The following PCAT7 variants were observed in gnomAD, a reference collection of about 807,000 sequenced individuals.
PCAT7 encodes the protein prostate cancer associated transcript 7 (non-protein coding).
At chr9:94,571,663 A>G in intron 2 of PCAT7, 32 of 1,487,164 alleles carry the variant, frequency 2.2e-5, no homozygotes, top group Non-Finnish European at 2.8e-5. Context: ...ACACTTTGCC[A>G]GGGGCCTGGG....
chr9:94,570,372 C>G (rs1411645205), intron 2 of PCAT7: 1 of 152,180 alleles, frequency 6.6e-6, no homozygotes, highest in Non-Finnish European at 1.5e-5. Flanking sequence ...TGACCTTGCG[C>G]AAGTTACTCA....
exon 1 of PCAT7, chr9:94,555,080 C>T (rs1466154655): frequency 6.6e-6 from 1 of 152,262 alleles, no homozygotes; most frequent in Admixed American, 6.5e-5. Context: ...TGCGCATAAC[C>T]TCAGGATATA....
In PCAT7 at chr9:94,567,345, G is replaced by A. The variant is rs548635230; in HGVS notation, n.442-5634G>A. On this transcript the variant is annotated intron_variant and non_coding_transcript_variant, in intron 2 of 8. Transcript: ENST00000647389. Reference sequence around the variant, plus strand: ...ACTTGGCATAGCCCTCATTCAGGCTGTAAATCTTTCCTTTCTTCTTAATCT... The same window carrying A: ...ACTTGGCATAGCCCTCATTCAGGCTATAAATCTTTCCTTTCTTCTTAATCT... The A allele has an allele frequency of 4.3e-6, 7 of 1,614,158 alleles. No homozygotes were observed. In the African/African-American group the frequency reaches 6.7e-5, roughly 15 times the overall value.
intron 1 of PCAT7, among the ~76,000 whole-genome samples, chr9:94,557,754 C>T (rs1827031663): frequency 6.6e-6 from 1 of 152,180 alleles, no homozygotes; most frequent in Non-Finnish European, 1.5e-5. Flanking sequence ...TCCTGATGCA[C>T]CTTTGCTTTA....
chr9:94,559,994 G>A (rs887828777), intron 2 of PCAT7, among the ~76,000 whole-genome samples: 5 of 152,146 alleles, frequency 3.3e-5, no homozygotes, highest in African/African-American at 7.2e-5. Flanking sequence ...GTGTGGTAGC[G>A]CACACCTGTG....
chr9:94,560,708 GT>G (rs1035926956), intron 2 of PCAT7, among the ~76,000 whole-genome samples: 1 of 146,918 alleles, frequency 6.8e-6, no homozygotes, highest in African/African-American at 2.5e-5. Flanking sequence ...ATATTTATAT[GT>G]TATTATATAT....
At chr9:94,562,904 A>G (rs1000691407) in intron 2 of PCAT7, among the ~76,000 whole-genome samples, 2 of 152,234 alleles carry the variant, frequency 1.3e-5, no homozygotes, top group African/African-American at 4.8e-5. Context: ...TCAGGGCATC[A>G]GTGAACTCCC....
intron 1 of PCAT7, among the ~76,000 whole-genome samples, chr9:94,556,097 T>G (rs1453005786): frequency 1.4e-4 from 17 of 120,932 alleles, no homozygotes; most frequent in East Asian, 2.8e-4. Context: ...GGAAGGAGAG[T>G]GGCAAGGAGG....
upstream of PCAT7, among the ~76,000 whole-genome samples, chr9:94,554,781 C>T (rs889573309): frequency 6.6e-6 from 1 of 152,172 alleles, no homozygotes; most frequent in African/African-American, 2.4e-5. Flanking sequence ...GTGCCCCAGG[C>T]TCCAGGCTCC....
intron 2 of PCAT7, among the ~76,000 whole-genome samples, chr9:94,566,989 G>C (rs509022): frequency 0.48 from 73,568 of 151,972 alleles, 18,442 homozygotes; most frequent in East Asian, 0.61. Flanking sequence ...AGGATCTGGC[G>C]TGAGCTCTGA....
intron 2 of PCAT7, chr9:94,569,553 C>T (rs1426121692): frequency 1.3e-5 from 2 of 152,246 alleles, no homozygotes; most frequent in Admixed American, 6.5e-5. Context: ...GGCCGGGACA[C>T]TCAGGCCCTG....
In PCAT7 at chr9:94,561,228, G is replaced by A. The variant is rs1046173394; in HGVS notation, n.441+2076G>A. On this transcript the variant is annotated intron_variant and non_coding_transcript_variant, in intron 2 of 8. Transcript: ENST00000647389. Reference sequence around the variant, plus strand: ...AAAGCTCAGCATTAGTACCTAATGCGCTTGTCTTGGAGCCAAGTTACTTTT... The same window carrying A: ...AAAGCTCAGCATTAGTACCTAATGCACTTGTCTTGGAGCCAAGTTACTTTT... Among the ~76,000 whole-genome samples the A allele has an allele frequency of 3.3e-5, 5 of 152,090 alleles. No homozygotes were observed. In the East Asian group the frequency reaches 5.8e-4, roughly 18 times the overall value.
At position 94,567,161 on chromosome 9, in the gene PCAT7, A is replaced by G. The variant is rs1827201654; in HGVS notation, n.442-5818A>G. ...CATCATCTTCATACTGACCACAGCC[A>G]TAAACAGTGGCACCAACCTCTTTCA... On this transcript the variant is annotated intron_variant and non_coding_transcript_variant, in intron 2 of 8. Transcript: ENST00000647389. 9 of 1,121,472 alleles carry G rather than the reference A, an allele frequency of 8.0e-6. No homozygotes were observed. In the South Asian group the frequency reaches 1.1e-4, roughly 14 times the overall value. 69.5% of individuals were successfully genotyped at this position (1,121,472 alleles called of 1,614,324 possible). A position where few individuals can be genotyped will look rare whatever the true frequency, so the allele number is the denominator to read the frequency against.
intron 2 of PCAT7, among the ~76,000 whole-genome samples, chr9:94,561,352 A>ATTTT (rs1174386595): frequency 0.22 from 12,271 of 54,958 alleles, 3,744 homozygotes; most frequent in Middle Eastern, 0.3. Context: ...TGTGACCTGT[A>ATTTT]TTTTTTTTTT....
intron 2 of PCAT7, chr9:94,559,213 GTTTGTAC>G: frequency 7.7e-7 from 1 of 1,291,594 alleles, no homozygotes; most frequent in Non-Finnish European, 1.1e-6. Context: ...TGGGGGAGGA[GTTTGTAC>G]TGCGGTGCTT....
chr9:94,561,294 C>T (rs1269090145), intron 2 of PCAT7, among the ~76,000 whole-genome samples: 1 of 149,810 alleles, frequency 6.7e-6, no homozygotes, highest in African/African-American at 2.5e-5. Flanking sequence ...AATTTAATAT[C>T]AAAATGCCCA....
chr9:94,557,094 A>C (rs921612403), intron 1 of PCAT7, among the ~76,000 whole-genome samples: 3 of 152,180 alleles, frequency 2.0e-5, no homozygotes, highest in African/African-American at 7.2e-5. Flanking sequence ...TTTTATTGAT[A>C]GTACCATACT....
intron 2 of PCAT7, among the ~76,000 whole-genome samples, chr9:94,562,128 G>A (rs539636430): frequency 2.0e-4 from 31 of 151,860 alleles, no homozygotes; most frequent in Admixed American, 7.9e-4. Flanking sequence ...TGGCTAACAT[G>A]GTGAAACCCC....
At chr9:94,562,661 T>C (rs1827126207) in intron 2 of PCAT7, among the ~76,000 whole-genome samples, 1 of 152,204 alleles carries the variant, frequency 6.6e-6, no homozygotes, top group South Asian at 2.1e-4. Context: ...ATTTGACTAC[T>C]TACCTACGAT....
Sources: allele counts gnomAD v4.1 joint callset (sites outside exome capture counted in the v4.1 genomes callset), GRCh38; gene constraint gnomAD v4.1.1; transcripts MANE v1.5; gene names NCBI Gene and HGNC (gene_info 2026-07-23, HGNC 2026-07-21).